APLF: variants seen among roughly 807,000 people sequenced by gnomAD.
APLF encodes aprataxin and PNK-like factor.
In APLF, 61 loss-of-function variants were observed where a neutral mutation model predicts 55.6. That is an observed-to-expected ratio of 1.10 (90% CI 0.89 to 1.36). The LOEUF is 1.36. Among genes scored for constraint, APLF ranks in the 40% most tolerant of loss-of-function variants. The pLI is 0.00. For synonymous variants in APLF, 207 were observed against 214.8 expected (o/e 0.96, Z 0.32); for missense variants, 611 against 602.5 (o/e 1.01, Z -0.15).
chr2:68,543,887 G>A (rs923438095), intron 7 of APLF, among the ~76,000 whole-genome samples: 4 of 151,612 alleles, frequency 2.6e-5, no homozygotes, highest in Non-Finnish European at 4.4e-5. Context: ...ATACTGATCT[G>A]TTGTTTTATA....
At chr2:68,507,508 G>A (rs1295028725) in intron 3 of APLF, among the ~76,000 whole-genome samples, 1 of 151,884 alleles carries the variant, frequency 6.6e-6, no homozygotes, top group Non-Finnish European at 1.5e-5. Flanking sequence ...CTCTACATAT[G>A]TGTCTATGAA....
At chr2:68,533,868 A>T (rs1219767768) in intron 6 of APLF, among the ~76,000 whole-genome samples, 1 of 152,222 alleles carries the variant, frequency 6.6e-6, no homozygotes, top group African/African-American at 2.4e-5. Context: ...GGGTGAAGAC[A>T]GCAGTGTGAC....
chr2:68,503,026 G>T, intron 3 of APLF, 123 bp downstream of exon 3: 1 of 1,013,204 alleles, frequency 9.9e-7, no homozygotes, highest in East Asian at 2.7e-5. Flanking sequence ...TGTGTAATGT[G>T]TGTGTACGCA....
rs1676863447 is a variant in APLF at position 68,505,957 on chromosome 2, C to G, written c.341+3054C>G. Among the ~76,000 whole-genome samples the G allele has an allele frequency of 2.0e-5, 3 of 152,086 alleles. No homozygotes were observed. In the South Asian group the frequency reaches 6.2e-4, roughly 32 times the overall value. On this transcript the variant is annotated intron_variant, in intron 3 of 9. Coordinates refer to ENST00000303795, the MANE Select transcript of APLF (RefSeq NM_173545.3). ...CATGATTGGTTTTCCTAACAACCAG[C>G]CCTTCATCTTTAGAGGCTTTCCAAA...
At position 68,528,573 on chromosome 2, in the gene APLF, C is replaced by T. The variant is rs1309707720; in HGVS notation, c.804+2331C>T. On this transcript the variant is annotated intron_variant, in intron 6 of 9. Coordinates refer to ENST00000303795, the MANE Select transcript of APLF (RefSeq NM_173545.3). ...GCTGCAGGATCCTTGGGCTGCATGT[C>T]CTCCCCCACCGTCAGCAAGCCTGGA... The T allele has an allele frequency of 3.3e-6, 5 of 1,533,886 alleles. No homozygotes were observed. In the African/African-American group the frequency reaches 5.5e-5, roughly 17 times the overall value.
chr2:68,510,752 G>A (rs1158944540), intron 3 of APLF, among the ~76,000 whole-genome samples: 1 of 151,742 alleles, frequency 6.6e-6, no homozygotes, highest in Non-Finnish European at 1.5e-5. Flanking sequence ...ATTCATAATA[G>A]CCAAAAAGTG....
Position 68,503,006 on chromosome 2 carries a change from A to G in APLF, c.341+103A>G, listed in dbSNP as rs926961753. ...ACCAGTAGAAACCATTAAACTGGAG[A>G]TAGAGTAGGTGTGTAATGTGTGTGT... On this transcript the variant is annotated intron_variant, in intron 3 of 9. Transcript: ENST00000303795. 23 of 1,251,548 alleles carry G rather than the reference A, an allele frequency of 1.8e-5. No homozygotes were observed. The African/African-American group carries it at 2.2e-4, about 12-fold the overall frequency. The allele number at this position is 1,251,548 out of a possible 1,614,324, so 77.5% of individuals were successfully genotyped here.
chr2:68,515,765 G>C (rs1477472331), intron 5 of APLF: 4 of 974,770 alleles, frequency 4.1e-6, no homozygotes, highest in Middle Eastern at 5.3e-4. Context: ...AAGACCGTGG[G>C]AGAAGTACTT....
chr2:68,479,193 G>C (rs1558526451), intron 1 of APLF, among the ~76,000 whole-genome samples: 1 of 152,142 alleles, frequency 6.6e-6, no homozygotes, highest in East Asian at 1.9e-4. Flanking sequence ...CTATGGAAAA[G>C]ATTGTCAGTG....
At chr2:68,517,047 C>T (rs1266525439) in intron 5 of APLF, among the ~76,000 whole-genome samples, 8 of 119,322 alleles carry the variant, frequency 6.7e-5, no homozygotes, top group African/African-American at 2.4e-4. Context: ...TATATAATAA[C>T]ATGTTATTAA....
intron 5 of APLF, among the ~76,000 whole-genome samples, chr2:68,516,429 C>T (rs920495455): frequency 2.7e-5 from 4 of 150,862 alleles, no homozygotes; most frequent in African/African-American, 9.7e-5. Flanking sequence ...TTATTATCAT[C>T]ACTATTATAT....
At chr2:68,526,824 A>G in intron 6 of APLF, among the ~76,000 whole-genome samples, 1 of 152,182 alleles carries the variant, frequency 6.6e-6, no homozygotes, top group Non-Finnish European at 1.5e-5. Flanking sequence ...AGTAGCTGGG[A>G]CTACAGGCAC....
chr2:68,537,901 A>T lies in APLF; in HGVS notation c.834A>T (p.Thr278=). 6.3e-7 allele frequency: 1 copy of T among 1,588,808 alleles called. No individual in the cohort carries two copies. Among genetic ancestry groups the T allele is most frequent in the Non-Finnish European group, 8.5e-7 (1 of 1,169,982 alleles). Residue 278 remains threonine, a synonymous_variant, in exon 7 of 10, where the codon ACA becomes ACT. Transcript: ENST00000303795. ...TGCCACAATCATTTTCTGCAATCAC[A>T]TTAAGTAACACAGAGATGAATAATA... The part of the protein sequence containing the change: ...KEMPQSFSAI[T]LSNTEMNNIK...
chr2:68,558,037 C>A (rs374623031), intron 8 of APLF, among the ~76,000 whole-genome samples: 6 of 152,130 alleles, frequency 3.9e-5, no homozygotes, highest in Non-Finnish European at 5.9e-5. Flanking sequence ...AGAATATGAT[C>A]TTGGAAAAAA....
At chr2:68,547,298 A>C (rs1670735524) in intron 8 of APLF, among the ~76,000 whole-genome samples, 1 of 151,854 alleles carries the variant, frequency 6.6e-6, no homozygotes, top group Non-Finnish European at 1.5e-5. Context: ...AGTAGTGTCA[A>C]AATACCAGTT....
intron 6 of APLF, among the ~76,000 whole-genome samples, chr2:68,532,821 A>G (rs572416167): frequency 6.6e-6 from 1 of 152,298 alleles, no homozygotes; most frequent in South Asian, 2.1e-4. Flanking sequence ...TCCTCTAAAG[A>G]TTTATGTTGA....
chr2:68,501,438 AC>A (rs1237238982), intron 2 of APLF, among the ~76,000 whole-genome samples: 3 of 144,168 alleles, frequency 2.1e-5, no homozygotes, highest in Non-Finnish European at 3.2e-5. Flanking sequence ...AAAAAAAAAA[AC>A]ACCAAAGATC....
chr2:68,501,266 C>G (rs1676712353), intron 2 of APLF, among the ~76,000 whole-genome samples: 2 of 152,094 alleles, frequency 1.3e-5, no homozygotes, highest in Admixed American at 1.3e-4. Context: ...ATTCTGTCTT[C>G]AAAGATGTGT....
chr2:68,572,412 C>T (rs771633813), intron 9 of APLF, among the ~76,000 whole-genome samples: 3 of 152,116 alleles, frequency 2.0e-5, no homozygotes, highest in Non-Finnish European at 4.4e-5. Flanking sequence ...TAAAAATTAA[C>T]ATCCTAATTA....
Sources: gnomAD v4.1 joint callset for allele counts (sites outside exome capture counted in the v4.1 genomes callset) on GRCh38, gnomAD v4.1.1 for gene constraint, MANE v1.5 for transcripts, NCBI Gene and HGNC (gene_info 2026-07-23, HGNC 2026-07-21) for gene names.